The following COBL variants were observed in gnomAD, a reference collection of about 807,000 sequenced individuals.
COBL encodes cordon-bleu WH2 repeat protein, also known as protein cordon-bleu.
A neutral mutation model predicts 98.8 loss-of-function variants in COBL; 51 were observed. That is an observed-to-expected ratio of 0.52 (90% CI 0.41 to 0.65). The LOEUF (loss-of-function observed/expected upper bound fraction) is 0.65, where lower values mean the gene tolerates loss of function less well. COBL is among the 30% of genes least tolerant of loss of function. COBL has a pLI of 0.00. For synonymous variants in COBL, 634 were observed against 651.7 expected, an observed-to-expected ratio of 0.97 and a Z score of 0.41; for missense variants, 1,617 against 1,617.5, an observed-to-expected ratio of 1.00 and a Z score of 0.01.
chr7:51,306,690 G>T (rs369239663), intron 1 of COBL, among the ~76,000 whole-genome samples: 1 of 152,086 alleles, frequency 6.6e-6, no homozygotes, highest in East Asian at 1.9e-4. Flanking sequence ...CACACACCAC[G>T]TATTTCTTTG....
chr7:51,125,894 G>A (rs574469601), intron 6 of COBL, among the ~76,000 whole-genome samples: 7 of 152,290 alleles, frequency 4.6e-5, no homozygotes, highest in Admixed American at 1.3e-4. Flanking sequence ...TGGATGTAGC[G>A]ATTGTTTCCC....
At chr7:51,062,659 C>T (rs1031308790) in intron 7 of COBL, among the ~76,000 whole-genome samples, 10 of 152,212 alleles carry the variant, frequency 6.6e-5, no homozygotes, top group Non-Finnish European at 1.3e-4. Flanking sequence ...TGGGCGCTTG[C>T]TGATCTGCAG....
chr7:51,215,164 A>G (rs993852915), intron 2 of COBL, among the ~76,000 whole-genome samples: 6 of 152,218 alleles, frequency 3.9e-5, no homozygotes, highest in African/African-American at 1.4e-4. Context: ...TATAACTGGT[A>G]TAACACCAAT....
intron 6 of COBL, among the ~76,000 whole-genome samples, chr7:51,115,737 T>C (rs1458618113): frequency 6.6e-6 from 1 of 152,070 alleles, no homozygotes; most frequent in Non-Finnish European, 1.5e-5. Context: ...ATATGGATAG[T>C]TGGTAGTGTT....
At chr7:51,284,639 C>T (rs996058645) in intron 1 of COBL, among the ~76,000 whole-genome samples, 2 of 151,546 alleles carry the variant, frequency 1.3e-5, no homozygotes, top group Non-Finnish European at 2.9e-5. Context: ...CCAGCCTGGC[C>T]AACATAGTGA....
intron 2 of COBL, among the ~76,000 whole-genome samples, chr7:51,208,442 G>GC (rs1479848301): frequency 1.4e-5 from 2 of 138,666 alleles, no homozygotes; most frequent in Non-Finnish European, 3.3e-5. Context: ...GAGGTGGGGG[G>GC]GGTCAGCCCC....
At chr7:51,059,233 T>A (rs528215221) in intron 7 of COBL, among the ~76,000 whole-genome samples, 158 of 152,370 alleles carry the variant, frequency 1.0e-3, no homozygotes, top group African/African-American at 3.7e-3. Context: ...ATATTAGTAG[T>A]GTTTGGTCTT....
intron 6 of COBL, among the ~76,000 whole-genome samples, chr7:51,117,313 G>A (rs1797360433): frequency 1.3e-5 from 2 of 149,690 alleles, no homozygotes; most frequent in Non-Finnish European, 3.0e-5. Flanking sequence ...TTCTTATTCT[G>A]GAGTCAATAG....
At chr7:51,046,480 T>C (rs1002103163) in intron 7 of COBL, among the ~76,000 whole-genome samples, 5 of 152,174 alleles carry the variant, frequency 3.3e-5, no homozygotes, top group Admixed American at 2.6e-4. Context: ...GTCCTGGGCA[T>C]CTTTTGTTTG....
At chr7:51,209,560 C>T (rs1472341560) in intron 2 of COBL, among the ~76,000 whole-genome samples, 1 of 152,214 alleles carries the variant, frequency 6.6e-6, no homozygotes, top group Non-Finnish European at 1.5e-5. Flanking sequence ...TCACTATGCA[C>T]ATGCAGACAC....
chr7:51,163,285 T>C (rs183022218), intron 5 of COBL, among the ~76,000 whole-genome samples: 3 of 152,182 alleles, frequency 2.0e-5, no homozygotes, highest in Admixed American at 6.5e-5. Flanking sequence ...ATTACGTCAC[T>C]AACATCCTTA....
At chr7:51,019,847 C>A (rs1786748060) in intron 12 of COBL, among the ~76,000 whole-genome samples, 1 of 152,206 alleles carries the variant, frequency 6.6e-6, no homozygotes, top group South Asian at 2.1e-4. Context: ...ATAGAAATTG[C>A]TATTCCCTCG....
chr7:51,072,649 G>GCTAT (rs1792677494), intron 7 of COBL: 1 of 152,178 alleles, frequency 6.6e-6, no homozygotes, highest in South Asian at 2.1e-4. Flanking sequence ...ACTGTTTAGT[G>GCTAT]AATAAATGGG....
At chr7:51,135,008 G>A (rs1044309296) in intron 6 of COBL, among the ~76,000 whole-genome samples, 2 of 151,708 alleles carry the variant, frequency 1.3e-5, no homozygotes, top group Non-Finnish European at 2.9e-5. Context: ...TGTCACCCAG[G>A]CTAGAGTGCA....
chr7:51,120,479 T>C (rs1797648440), intron 6 of COBL, among the ~76,000 whole-genome samples: 1 of 152,250 alleles, frequency 6.6e-6, no homozygotes, highest in African/African-American at 2.4e-5. Context: ...TTATCATTAA[T>C]TATGGTAAAT....
intron 1 of COBL, among the ~76,000 whole-genome samples, chr7:51,232,655 C>CA (rs1391595034): frequency 6.6e-6 from 1 of 151,980 alleles, no homozygotes; most frequent in Non-Finnish European, 1.5e-5. Context: ...ACTAAAAATA[C>CA]AAAAAATCAG....
chr7:51,162,743 T>C lies in COBL; in HGVS notation c.783+21359A>G, dbSNP rs571413917. ...GTTTAGCAGATGAGGAAAGTGAAGA[T>C]AGGTTCTGCATGCTGGGCCAGAATT... On this transcript the variant is annotated intron_variant, in intron 5 of 12. Transcript: ENST00000265136. Among the ~76,000 whole-genome samples, 79 of 152,314 alleles carry C rather than the reference T, an allele frequency of 5.2e-4. 4 individuals carry two copies. The Middle Eastern group carries it at 0.01, about 20-fold the overall frequency.
chr7:51,098,599 T>TA, intron 6 of COBL, among the ~76,000 whole-genome samples: 1 of 152,156 alleles, frequency 6.6e-6, no homozygotes, highest in Admixed American at 6.5e-5. Flanking sequence ...GTTAACCATA[T>TA]AAAAAAATTA....
At chr7:51,272,706 C>A (rs1412597920) in intron 1 of COBL, among the ~76,000 whole-genome samples, 1 of 152,124 alleles carries the variant, frequency 6.6e-6, no homozygotes, top group African/African-American at 2.4e-5. Flanking sequence ...ATTGGACACA[C>A]AGGGCCTGAG....
Sources: gnomAD v4.1 joint callset for allele counts (sites outside exome capture counted in the v4.1 genomes callset) on GRCh38, gnomAD v4.1.1 for gene constraint, MANE v1.5 for transcripts, NCBI Gene and HGNC (gene_info 2026-07-23, HGNC 2026-07-21) for gene names.